The following IMMP1L variants were observed in gnomAD, a reference collection of about 807,000 sequenced individuals.
IMMP1L encodes the protein mitochondrial inner membrane protease subunit 1.
Under a neutral mutation model 21.8 loss-of-function variants are expected in IMMP1L, and 24 were observed. The observed-to-expected ratio is 1.10, with a 90% confidence interval of 0.80 to 1.55. The LOEUF (loss-of-function observed/expected upper bound fraction) is 1.55, where lower values mean the gene tolerates loss of function less well. Among genes scored for constraint, IMMP1L ranks in the 40% most tolerant of loss-of-function variants. The pLI is 0.00. For missense variants in IMMP1L, 195 were observed against 200.7 expected (o/e 0.97, Z 0.17); for synonymous variants, 46 against 62.8 (o/e 0.73, Z 1.26).
chr11:31,490,401 G>A (rs755926979), intron 1 of IMMP1L, among the ~76,000 whole-genome samples: 2 of 151,646 alleles, frequency 1.3e-5, no homozygotes, highest in Non-Finnish European at 2.9e-5. Flanking sequence ...GAACCCAGGA[G>A]GCAGAGGTTG....
At chr11:31,452,394 C>G (rs1341279339) in intron 4 of IMMP1L, 1 of 985,214 alleles carries the variant, frequency 1.0e-6, no homozygotes, top group Non-Finnish European at 1.2e-6. Context: ...AGCCCTGGCC[C>G]TACATTCCCT....
At chr11:31,460,567 G>A in intron 3 of IMMP1L, 59 bp downstream of exon 3, 1 of 1,016,252 alleles carries the variant, frequency 9.8e-7, no homozygotes, top group Non-Finnish European at 1.5e-6. Flanking sequence ...CTGCAGAAAA[G>A]CCACAATGTG....
At chr11:31,492,619 C>T (rs1288441981) in intron 1 of IMMP1L, among the ~76,000 whole-genome samples, 1 of 152,136 alleles carries the variant, frequency 6.6e-6, no homozygotes, top group Non-Finnish European at 1.5e-5. Context: ...ACAAATATGC[C>T]ATGCTTTCTT....
rs1381966956 is a variant in IMMP1L at position 31,433,508 on chromosome 11, G to A, written c.384C>T (p.Cys128=). The part of the protein sequence containing the change: ...DNLQNSTDSR[C]YGPIPYGLIR... ...TTAGTCCATATGGAATAGGTCCATA[G>A]CACCTGGAATCTGTAGAATTCTGTA... is the stretch of plus-strand genomic sequence containing the variant. Residue 128 remains cysteine (C), a synonymous_variant, in exon 5 of 6, where the codon TGC becomes TGT. Transcript: ENST00000532287. 6.2e-7 allele frequency: 1 copy of A among 1,611,356 alleles called. No individual in the cohort carries two copies. Among genetic ancestry groups the A allele is most frequent in the African/African-American group, 1.3e-5 (1 of 74,816 alleles).
intron 1 of IMMP1L, among the ~76,000 whole-genome samples, chr11:31,473,199 G>A (rs1224354214): frequency 1.3e-5 from 2 of 152,170 alleles, no homozygotes; most frequent in African/African-American, 2.4e-5. Flanking sequence ...ACAGGCGCCT[G>A]CCACCACGCC....
chr11:31,439,129 T>G (rs1953227853), intron 4 of IMMP1L, among the ~76,000 whole-genome samples: 1 of 152,164 alleles, frequency 6.6e-6, no homozygotes, highest in Admixed American at 6.5e-5. Flanking sequence ...AGGCCAGAAC[T>G]TCTTTCTGTA....
chr11:31,446,147 C>T (rs1403154719), intron 4 of IMMP1L, among the ~76,000 whole-genome samples: 3 of 152,158 alleles, frequency 2.0e-5, no homozygotes, highest in Admixed American at 2.0e-4. Context: ...CACCCTGTGG[C>T]AAGAACTAAC....
At chr11:31,455,487 C>T (rs982203098) in intron 4 of IMMP1L, among the ~76,000 whole-genome samples, 1 of 152,152 alleles carries the variant, frequency 6.6e-6, no homozygotes, top group Non-Finnish European at 1.5e-5. Context: ...TTTTACTGTT[C>T]TTGCACTTTT....
chr11:31,473,977 G>A (rs1019739059), intron 1 of IMMP1L, among the ~76,000 whole-genome samples: 10 of 152,084 alleles, frequency 6.6e-5, no homozygotes, highest in Non-Finnish European at 1.2e-4. Context: ...TTTTTGTTCC[G>A]ATAGAGGAAC....
At position 31,433,312 on chromosome 11, in the gene IMMP1L, G is replaced by A. The variant is rs1038456039; in HGVS notation, c.432+148C>T. 11 of 513,158 alleles carry A rather than the reference G, an allele frequency of 2.1e-5. No individual in the cohort carries two copies. In the Middle Eastern group the frequency reaches 2.5e-3, roughly 117 times the overall value. The allele number at this position is 513,158 out of a possible 1,614,324, so 31.8% of individuals were successfully genotyped here. ...GCAATGGGGGAATAGGTTTGCATATGGCTATTAAGTTAAGGCCAACAGGTT... is the reference window on the plus strand; with the variant it reads ...GCAATGGGGGAATAGGTTTGCATATAGCTATTAAGTTAAGGCCAACAGGTT... On this transcript the variant is annotated intron_variant, in intron 5 of 5. Transcript: ENST00000532287.
At chr11:31,476,821 GA>G (rs980788563) in intron 1 of IMMP1L, among the ~76,000 whole-genome samples, 1 of 151,846 alleles carries the variant, frequency 6.6e-6, no homozygotes, top group African/African-American at 2.4e-5. Context: ...GATCGTGTTA[GA>G]AAAAAATATT....
intron 4 of IMMP1L, among the ~76,000 whole-genome samples, chr11:31,447,861 T>A: frequency 6.6e-6 from 1 of 152,204 alleles, no homozygotes; most frequent in South Asian, 2.1e-4. Flanking sequence ...GGTGAGAATA[T>A]TTTTATGGGC....
chr11:31,468,445 G>A (rs1479016369), intron 1 of IMMP1L, among the ~76,000 whole-genome samples: 8 of 152,108 alleles, frequency 5.3e-5, no homozygotes, highest in East Asian at 1.9e-4. Context: ...AAGATAGAAC[G>A]CTAATGTGGC....
chr11:31,449,573 C>G (rs2133598735), intron 4 of IMMP1L, among the ~76,000 whole-genome samples: 1 of 152,284 alleles, frequency 6.6e-6, no homozygotes, highest in Admixed American at 6.5e-5. Context: ...ATCCTGATAA[C>G]ACTTAATCAG....
intron 1 of IMMP1L, among the ~76,000 whole-genome samples, chr11:31,482,279 A>G (rs1954919966): frequency 6.6e-6 from 1 of 152,138 alleles, no homozygotes; most frequent in Non-Finnish European, 1.5e-5. Context: ...AAGAAAAACT[A>G]AGAAGATAAA....
intron 1 of IMMP1L, 47 bp from the exon 2 acceptor site, chr11:31,463,352 C>T: frequency 2.7e-6 from 4 of 1,472,112 alleles, no homozygotes; most frequent in Non-Finnish European, 3.6e-6. Flanking sequence ...TATTTAAAAA[C>T]ACTTAAGAAA....
At chr11:31,489,308 AT>A (rs1240449700) in intron 1 of IMMP1L, among the ~76,000 whole-genome samples, 2 of 152,236 alleles carry the variant, frequency 1.3e-5, no homozygotes, top group African/African-American at 4.8e-5. Context: ...CAATATATGC[AT>A]ATTCACTTTT....
intron 4 of IMMP1L, among the ~76,000 whole-genome samples, chr11:31,442,759 T>C (rs1049837396): frequency 9.2e-5 from 14 of 152,162 alleles, no homozygotes; most frequent in African/African-American, 2.9e-4. Flanking sequence ...ATCCTTTTTT[T>C]AATGATTATT....
intron 1 of IMMP1L, among the ~76,000 whole-genome samples, chr11:31,464,064 T>A (rs1421175092): frequency 2.0e-5 from 3 of 152,126 alleles, no homozygotes; most frequent in African/African-American, 7.2e-5. Context: ...ATTTCTTAAC[T>A]AATAGCCTAA....
Sources: allele counts gnomAD v4.1 joint callset (sites outside exome capture counted in the v4.1 genomes callset), GRCh38; gene constraint gnomAD v4.1.1; transcripts MANE v1.5; gene names NCBI Gene and HGNC (gene_info 2026-07-23, HGNC 2026-07-21).